ETS1: variants seen among roughly 807,000 people sequenced by gnomAD.
ETS1 encodes ETS proto-oncogene 1, transcription factor.
Under a neutral mutation model 58.6 loss-of-function variants are expected in ETS1, and 15 were observed. The observed-to-expected ratio is 0.26, with a 90% CI of 0.17 to 0.39. ETS1 has a LOEUF of 0.39. Ranked by LOEUF, ETS1 falls within the 10% of genes least tolerant of loss-of-function variation. The probability of loss-of-function intolerance (pLI) is 1.00; values close to 1 mark genes in which losing one functional copy is unlikely to be tolerated. For synonymous variants in ETS1, 214 were observed against 218.2 expected (o/e 0.98, Z 0.17); for missense variants, 417 against 610.5 (o/e 0.68, Z 3.34).
At chr11:128,565,053 T>TAAATAAATAAATA (rs1864468837) in intron 2 of ETS1, among the ~76,000 whole-genome samples, 1 of 150,634 alleles carries the variant, frequency 6.6e-6, no homozygotes, top group Non-Finnish European at 1.5e-5. Context: ...AATAAATAAA[T>TAAATAAATAAATA]AAATAAAATA....
chr11:128,579,659 GA>G (rs201475278), intron 1 of ETS1, among the ~76,000 whole-genome samples: 2,449 of 62,316 alleles, frequency 0.039, 23 homozygotes, highest in African/African-American at 0.048. Flanking sequence ...AAACTCCATT[GA>G]AAAAAAAAAA....
chr11:128,519,297 G>A (rs947298750), intron 3 of ETS1, among the ~76,000 whole-genome samples: 2 of 152,106 alleles, frequency 1.3e-5, no homozygotes, highest in African/African-American at 2.4e-5. Context: ...CAGGTCTTGC[G>A]GCTCCTGTTT....
chr11:128,573,577 A>G (rs1051045952), intron 1 of ETS1, among the ~76,000 whole-genome samples: 1 of 152,192 alleles, frequency 6.6e-6, no homozygotes, highest in Non-Finnish European at 1.5e-5. Context: ...AGGATTGGAG[A>G]AAGGAAGGAT....
chr11:128,536,150 A>G (rs1863969895), intron 3 of ETS1, among the ~76,000 whole-genome samples: 1 of 152,206 alleles, frequency 6.6e-6, no homozygotes, highest in Admixed American at 6.5e-5. Context: ...AAATAGGATA[A>G]TAAGTAAAGA....
In ETS1 at chr11:128,459,081, A is replaced by T. The variant is rs1335004863; in HGVS notation, c.*3280T>A. 6.6e-6 allele frequency: 1 copy of T among 152,106 alleles called. No homozygotes were observed. The highest frequency in any genetic ancestry group is 1.5e-5 in the Non-Finnish European group (1 of 67,924). 9.4% of individuals were successfully genotyped at this position (152,106 alleles called of 1,614,324 possible). Reference sequence around the variant, plus strand: ...TGAAAATACAAGTTGGAAAATAGTCAAACACAATATAACATCTTTTTCATC... The same window carrying T: ...TGAAAATACAAGTTGGAAAATAGTCTAACACAATATAACATCTTTTTCATC... On this transcript the variant is annotated 3_prime_UTR_variant, in exon 10 of 10. Coordinates refer to ENST00000392668, the MANE Select transcript of ETS1 (RefSeq NM_001143820.2).
chr11:128,498,553 T>C (rs1565382546), intron 3 of ETS1, among the ~76,000 whole-genome samples: 2 of 152,204 alleles, frequency 1.3e-5, no homozygotes, highest in Admixed American at 1.3e-4. Flanking sequence ...GCACCTAAGA[T>C]GCCTTTTGGT....
intron 3 of ETS1, among the ~76,000 whole-genome samples, chr11:128,535,437 T>C (rs1405065628): frequency 6.6e-6 from 1 of 152,230 alleles, no homozygotes; most frequent in East Asian, 1.9e-4. Flanking sequence ...TTTAATTAGA[T>C]TCCATTTGTC....
chr11:128,579,673 A>AG (rs1277353160), intron 1 of ETS1, among the ~76,000 whole-genome samples: 1 of 152,042 alleles, frequency 6.6e-6, no homozygotes, highest in Admixed American at 6.5e-5. Flanking sequence ...AAAAAAAAAA[A>AG]AAAAGAATTT....
chr11:128,582,778 C>G (rs1864900188), intron 1 of ETS1, among the ~76,000 whole-genome samples: 1 of 152,058 alleles, frequency 6.6e-6, no homozygotes, highest in South Asian at 2.1e-4. Context: ...GGAGAACTAA[C>G]TCATTGAAAG....
intron 2 of ETS1, among the ~76,000 whole-genome samples, chr11:128,561,951 G>C (rs1170322415): frequency 1.3e-5 from 2 of 152,204 alleles, no homozygotes; most frequent in Non-Finnish European, 2.9e-5. Context: ...AAGTGGATCT[G>C]TAAAGCTGCT....
intron 3 of ETS1, among the ~76,000 whole-genome samples, chr11:128,550,834 GGGCA>G (rs1864217834): frequency 6.6e-6 from 1 of 152,070 alleles, no homozygotes; most frequent in Non-Finnish European, 1.5e-5. Context: ...GAAAATAGTT[GGGCA>G]TTAGCATAGA....
At chr11:128,533,747 G>C (rs1863933904) in intron 3 of ETS1, among the ~76,000 whole-genome samples, 1 of 152,180 alleles carries the variant, frequency 6.6e-6, no homozygotes, top group Non-Finnish European at 1.5e-5. Context: ...GCACATATAG[G>C]TTTCCAATGG....
rs149385878 is a variant in ETS1, at chr11:128,492,803, A to G, written c.215-2227T>C. 7.1e-3 allele frequency among the ~76,000 whole-genome samples: 1,078 copies of G among 152,308 alleles called. 10 individuals carry two copies. The highest frequency in any genetic ancestry group is 0.021 in the African/African-American group (874 of 41,556). On this transcript the variant is annotated intron_variant, in intron 3 of 9. Transcript: ENST00000392668. ...TTAGAGTAGAAATCAGTTTTACTTT[A>G]GAGAAAAGGGCTCTCTAGTTAACCA...
chr11:128,535,514 TA>T (rs1265549278), intron 3 of ETS1, among the ~76,000 whole-genome samples: 1 of 152,198 alleles, frequency 6.6e-6, no homozygotes, highest in African/African-American at 2.4e-5. Flanking sequence ...GCCTGAATGG[TA>T]TTGCCTAGAT....
chr11:128,478,221 C>T (rs957752809), intron 8 of ETS1, among the ~76,000 whole-genome samples: 1 of 151,118 alleles, frequency 6.6e-6, no homozygotes, highest in Admixed American at 6.6e-5. Flanking sequence ...AAATGTTTTA[C>T]TCCCTTATCC....
At chr11:128,472,679 CCT>C in intron 8 of ETS1, among the ~76,000 whole-genome samples, 1 of 152,280 alleles carries the variant, frequency 6.6e-6, no homozygotes, top group Non-Finnish European at 1.5e-5. Context: ...CAGGTCCACC[CCT>C]GTGAGACACA....
intron 1 of ETS1, among the ~76,000 whole-genome samples, chr11:128,585,379 G>A (rs1044423935): frequency 1.1e-4 from 17 of 151,518 alleles, no homozygotes; most frequent in Non-Finnish European, 1.5e-5. Flanking sequence ...CAGCTCGTGG[G>A]ACGTAATCAT....
At chr11:128,548,690 A>T (rs1309121248) in intron 3 of ETS1, among the ~76,000 whole-genome samples, 3 of 152,236 alleles carry the variant, frequency 2.0e-5, no homozygotes, top group African/African-American at 7.2e-5. Flanking sequence ...GTTCGGGCCG[A>T]GGCAGCCCAC....
At chr11:128,571,035 A>G (rs1425183099) in intron 2 of ETS1, among the ~76,000 whole-genome samples, 1 of 152,172 alleles carries the variant, frequency 6.6e-6, no homozygotes, top group African/African-American at 2.4e-5. Flanking sequence ...AATGTGGTAA[A>G]AACAGCTACT....
Sources: allele counts gnomAD v4.1 joint callset (sites outside exome capture counted in the v4.1 genomes callset), GRCh38; gene constraint gnomAD v4.1.1; transcripts MANE v1.5; gene names NCBI Gene and HGNC (gene_info 2026-07-23, HGNC 2026-07-21).